Variants in TAFA5 observed in about 807,000 individuals in gnomAD.
TAFA5 encodes the protein chemokine-like protein TAFA-5.
A neutral mutation model predicts 15.3 loss-of-function variants in TAFA5; 6 were observed. The observed-to-expected ratio is 0.39, with a 90% CI of 0.21 to 0.77. TAFA5 has a LOEUF of 0.77. TAFA5 is among the 30% of genes least tolerant of loss of function. TAFA5 has a pLI of 0.41. For missense variants in TAFA5, 161 were observed against 193.1 expected, an observed-to-expected ratio of 0.83 and a Z score of 0.98; for synonymous variants, 103 against 80.7, an observed-to-expected ratio of 1.28 and a Z score of -1.48.
At position 48,742,151 on chromosome 22, in the gene TAFA5, C is replaced by T. The variant is rs1320131768; in HGVS notation, c.391-7688C>T. 1.3e-5 allele frequency among the ~76,000 whole-genome samples: 2 copies of T among 151,854 alleles called. No homozygotes were observed. The highest frequency in any genetic ancestry group is 2.9e-5 in the Non-Finnish European group (2 of 67,964). On this transcript the variant is annotated intron_variant, in intron 3 of 3. Transcript: ENST00000402357. This position sits in a 1 kb window ranked among gnomAD's most constrained non-coding sequence, Gnocchi z 6.2. ...CTGCACCGGCTCCCCTGCCCAACCC[C>T]ACAGGCCCCCTCATCCTTCACCAGG...
chr22:48,543,844 G>C lies in TAFA5; in HGVS notation c.112+54140G>C, dbSNP rs988255195. The C allele has an allele frequency of 5.2e-5, 8 of 152,394 alleles. 1 individual carries two copies. Among genetic ancestry groups the C allele is most frequent in the Admixed American group, 5.2e-4 (8 of 15,294 alleles). The allele number at this position is 152,394 out of a possible 1,614,324, so 9.4% of individuals were successfully genotyped here. On this transcript the variant is annotated intron_variant, in intron 1 of 3. Transcript: ENST00000402357. ...CCAGGCGGGGCATCCGGGCTTCCAA[G>C]ATAACTCTCCATTTGACCCTCATTC...
rs111918127 is a variant in TAFA5 at position 48,561,568 on chromosome 22, G to T, written c.112+71864G>T. ...ATGTTTGCCACCCCTGTTTGTATCC[G>T]CTCCTAACAGTGGCTTCTGGGTTGG... On this transcript the variant is annotated intron_variant, in intron 1 of 3. Transcript: ENST00000402357. Among the ~76,000 whole-genome samples the T allele has an allele frequency of 3.5e-3, 538 of 152,280 alleles. 2 individuals carry two copies. The highest frequency in any genetic ancestry group is 0.012 in the African/African-American group (515 of 41,548).
intron 1 of TAFA5, among the ~76,000 whole-genome samples, chr22:48,614,545 G>A (rs1234612014): frequency 1.3e-5 from 2 of 152,178 alleles, no homozygotes; most frequent in African/African-American, 4.8e-5. Context: ...CAGGAGACAA[G>A]TGCCCTCCCC....
At chr22:48,650,002 C>G (rs149255411) in intron 2 of TAFA5, among the ~76,000 whole-genome samples, 8 of 152,320 alleles carry the variant, frequency 5.3e-5, no homozygotes, top group African/African-American at 1.9e-4. Flanking sequence ...CAAGGGAGGC[C>G]AAACAAATTA....
intron 1 of TAFA5, among the ~76,000 whole-genome samples, chr22:48,594,431 A>G (rs954954625): frequency 3.3e-5 from 5 of 152,246 alleles, no homozygotes; most frequent in Non-Finnish European, 7.3e-5. Context: ...GAGTGTGCAC[A>G]GGCAGCCTCT....
chr22:48,703,623 T>C (rs4925444), intron 2 of TAFA5, among the ~76,000 whole-genome samples: 48,733 of 152,182 alleles, frequency 0.32, 8,439 homozygotes, highest in African/African-American at 0.45. Flanking sequence ...TAGTGCGCTG[T>C]GGCCTGCGCC....
intron 2 of TAFA5, among the ~76,000 whole-genome samples, chr22:48,666,018 C>T (rs1927596961): frequency 7.4e-6 from 1 of 135,562 alleles, no homozygotes; most frequent in Non-Finnish European, 1.6e-5. Flanking sequence ...GGGGCCTGGC[C>T]TGGCTCCAGG....
intron 1 of TAFA5, among the ~76,000 whole-genome samples, chr22:48,609,930 C>A (rs954478293): frequency 3.3e-5 from 5 of 152,226 alleles, no homozygotes; most frequent in Non-Finnish European, 7.3e-5. Context: ...GTAGTGAGGT[C>A]ACCAGTCATA....
In TAFA5 at chr22:48,507,193, G is replaced by A. The variant is rs879628167; in HGVS notation, c.112+17489G>A. Among the ~76,000 whole-genome samples the A allele has an allele frequency of 6.1e-3, 676 of 111,732 alleles. 10 individuals are homozygous for A. Among genetic ancestry groups the A allele is most frequent in the Admixed American group, 8.8e-3 (111 of 12,560 alleles). The allele number at this position is 111,732 out of a possible 152,430, so 73.3% of individuals were successfully genotyped here. ...CAGGTGTGTAGTTGGAGAAGGAGAC[G>A]GCCGCCAAGGGCCAGGTGTGCAGTT... On this transcript the variant is annotated intron_variant, in intron 1 of 3. Coordinates refer to ENST00000402357, the MANE Select transcript of TAFA5 (RefSeq NM_001082967.3).
chr22:48,644,384 C>T (rs1225768777), intron 1 of TAFA5, among the ~76,000 whole-genome samples: 1 of 152,238 alleles, frequency 6.6e-6, no homozygotes, highest in African/African-American at 2.4e-5. Flanking sequence ...TCAGCAGGCC[C>T]TTATGCACTG....
intron 1 of TAFA5, among the ~76,000 whole-genome samples, chr22:48,508,123 C>T (rs1392111784): frequency 6.6e-6 from 1 of 152,184 alleles, no homozygotes; most frequent in Non-Finnish European, 1.5e-5. Context: ...ACGTGGACAG[C>T]CCTGATGCGT....
In TAFA5 at chr22:48,707,848, T is replaced by C. The variant is rs132234; in HGVS notation, c.390+4T>C. The C allele has an allele frequency of 0.72, 1,161,055 of 1,611,990 alleles. 419,080 individuals carry two copies. Among genetic ancestry groups the C allele is most frequent in the African/African-American group, 0.78 (58,115 of 74,968 alleles). On this transcript the variant is annotated splice_donor_region_variant and intron_variant, in intron 3 of 3. Coordinates refer to ENST00000402357, the MANE Select transcript of TAFA5 (RefSeq NM_001082967.3). ...CGGGAGGATAAAGACCACCACGGTA[T>C]GTGGCCCTCGGCTTTCTCGTGGGTG...
At chr22:48,532,434 G>A (rs1366506398) in intron 1 of TAFA5, among the ~76,000 whole-genome samples, 1 of 152,200 alleles carries the variant, frequency 6.6e-6, no homozygotes, top group African/African-American at 2.4e-5. Flanking sequence ...CAATCCCAAG[G>A]CTGTTCATGT....
intron 1 of TAFA5, among the ~76,000 whole-genome samples, chr22:48,625,127 A>AG (rs1569053241): frequency 7.5e-6 from 1 of 134,198 alleles, no homozygotes; most frequent in Non-Finnish European, 1.7e-5. Flanking sequence ...AAAAAAAAAA[A>AG]GAGAGAGAGA....
At chr22:48,680,376 C>G (rs913486495) in intron 2 of TAFA5, among the ~76,000 whole-genome samples, 4 of 152,208 alleles carry the variant, frequency 2.6e-5, no homozygotes, top group African/African-American at 9.6e-5. Context: ...CCTGCTGTAC[C>G]CGCCATGCAG....
intron 2 of TAFA5, among the ~76,000 whole-genome samples, chr22:48,696,809 T>C (rs1928726933): frequency 6.6e-6 from 1 of 152,148 alleles, no homozygotes. Context: ...GAGACGCAGG[T>C]TGTGTGTGCA....
At chr22:48,503,963 C>T (rs1470953875) in intron 1 of TAFA5, among the ~76,000 whole-genome samples, 1 of 152,226 alleles carries the variant, frequency 6.6e-6, no homozygotes, top group East Asian at 1.9e-4. Context: ...ACCACACACT[C>T]ACACTCAGGT....
chr22:48,520,657 G>T (rs2147106847), intron 1 of TAFA5, among the ~76,000 whole-genome samples: 1 of 152,326 alleles, frequency 6.6e-6, no homozygotes, highest in East Asian at 1.9e-4. Flanking sequence ...GTGTGGAGGG[G>T]CTTTGGGGCA....
intron 1 of TAFA5, among the ~76,000 whole-genome samples, chr22:48,563,379 G>C (rs529769418): frequency 1.3e-5 from 2 of 152,204 alleles, no homozygotes; most frequent in Non-Finnish European, 2.9e-5. Context: ...CCCAGCTTCC[G>C]GTGGTCTGTC....
Sources: gnomAD v4.1 joint callset for allele counts (sites outside exome capture counted in the v4.1 genomes callset) on GRCh38, gnomAD v4.1.1 for gene constraint, Gnocchi (gnomAD v3.1) non-coding constraint, MANE v1.5 for transcripts, NCBI Gene and HGNC (gene_info 2026-07-23, HGNC 2026-07-21) for gene names.